The following FAM200B variants were observed in gnomAD, a reference collection of about 807,000 sequenced individuals.
FAM200B encodes zinc finger BED-type containing 11.
FAM200B carries 32 observed loss-of-function variants against 33.1 expected under a neutral mutation model. The ratio of observed to expected loss-of-function variants is 0.97; its 90% CI spans 0.73 to 1.30. The LOEUF is 1.30. Among genes scored for constraint, FAM200B ranks in the 50% most tolerant of loss-of-function variants. The pLI is 0.00. For missense variants in FAM200B, 741 were observed against 754.0 expected, an observed-to-expected ratio of 0.98 and a Z score of 0.20; for synonymous variants, 240 against 264.8, an observed-to-expected ratio of 0.91 and a Z score of 0.91.
chr4:15,673,875 C>A, the FAM200B span, among the ~76,000 whole-genome samples: 1 of 152,222 alleles, frequency 6.6e-6, no homozygotes, highest in South Asian at 2.1e-4. Flanking sequence ...TAGAAATTCT[C>A]CCAAGGCAAT....
the FAM200B span, among the ~76,000 whole-genome samples, chr4:15,675,062 C>A: frequency 6.6e-6 from 1 of 152,140 alleles, no homozygotes; most frequent in East Asian, 1.9e-4. Flanking sequence ...CCTGCCACTA[C>A]AAAACACTTT....
chr4:15,646,705 C>T, the FAM200B span, among the ~76,000 whole-genome samples: 2 of 133,960 alleles, frequency 1.5e-5, no homozygotes, highest in African/African-American at 5.4e-5. Flanking sequence ...CTCCCCCCAC[C>T]CCACAACAGG....
the FAM200B span, among the ~76,000 whole-genome samples, chr4:15,663,993 C>T: frequency 1.3e-5 from 2 of 152,090 alleles, no homozygotes; most frequent in African/African-American, 2.4e-5. Flanking sequence ...GCACTCTTAT[C>T]CTGATTTTTC....
chr4:15,643,293 C>G, the FAM200B span, among the ~76,000 whole-genome samples: 3 of 152,312 alleles, frequency 2.0e-5, no homozygotes, highest in East Asian at 5.8e-4. Flanking sequence ...AGCTGTAGAA[C>G]AGCCTTTCCA....
the FAM200B span, among the ~76,000 whole-genome samples, chr4:15,651,792 G>A: frequency 6.6e-6 from 1 of 152,012 alleles, no homozygotes; most frequent in Non-Finnish European, 1.5e-5. Flanking sequence ...ACACCTTAAG[G>A]CCTCCACCAC....
chr4:15,685,898 A>T (rs2148860567), intron 1 of FAM200B, among the ~76,000 whole-genome samples: 1 of 152,336 alleles, frequency 6.6e-6, no homozygotes, highest in South Asian at 2.1e-4. Flanking sequence ...CAAGGCAGGC[A>T]TGACCAAGAT....
chr4:15,647,983 G>A, the FAM200B span, among the ~76,000 whole-genome samples: 1 of 152,096 alleles, frequency 6.6e-6, no homozygotes, highest in African/African-American at 2.4e-5. Context: ...TCAGCCTTCC[G>A]AATAGCTGGA....
upstream of FAM200B, among the ~76,000 whole-genome samples, chr4:15,681,098 A>G (rs369837482): frequency 6.6e-6 from 1 of 152,018 alleles, no homozygotes; most frequent in East Asian, 1.9e-4. Flanking sequence ...ATATACATAC[A>G]TATTTAAATC....
upstream of FAM200B, among the ~76,000 whole-genome samples, chr4:15,680,701 G>A (rs1435566172): frequency 6.6e-6 from 1 of 151,628 alleles, no homozygotes; most frequent in African/African-American, 2.4e-5. Context: ...AAATCCAGTT[G>A]GAGAATCAAA....
chr4:15,663,167 A>G, the FAM200B span, among the ~76,000 whole-genome samples: 2 of 152,180 alleles, frequency 1.3e-5, no homozygotes, highest in Non-Finnish European at 2.9e-5. Context: ...TCCTTTATAT[A>G]TACCATAATA....
At chr4:15,638,466 C>T in the FAM200B span, 2 of 1,424,292 alleles carry the variant, frequency 1.4e-6, no homozygotes, top group African/African-American at 1.6e-5. Context: ...ATGTCAATGA[C>T]CTTACAACTA....
At chr4:15,651,658 T>C in the FAM200B span, among the ~76,000 whole-genome samples, 1 of 152,216 alleles carries the variant, frequency 6.6e-6, no homozygotes, top group East Asian at 1.9e-4. Flanking sequence ...CAAATTACTC[T>C]AAGCTTCTTC....
chr4:15,681,220 C>T (rs1035107283), upstream of FAM200B: 1 of 152,194 alleles, frequency 6.6e-6, no homozygotes, highest in South Asian at 2.1e-4. Flanking sequence ...TAAGTAAACA[C>T]GTGCAATGAT....
the FAM200B span, among the ~76,000 whole-genome samples, chr4:15,644,074 T>A: frequency 6.6e-6 from 1 of 152,248 alleles, no homozygotes; most frequent in Non-Finnish European, 1.5e-5. Flanking sequence ...ATTGGTTTAG[T>A]GAAAAATCTC....
chr4:15,655,422 C>T, the FAM200B span: 12 of 996,204 alleles, frequency 1.2e-5, no homozygotes, highest in Admixed American at 6.1e-5. Context: ...TCGGCTTGGC[C>T]GGCGGGGACG....
the FAM200B span, chr4:15,655,488 C>T: frequency 5.4e-5 from 35 of 652,210 alleles, no homozygotes; most frequent in South Asian, 2.2e-3. Flanking sequence ...ACCGGGCGCG[C>T]GCAGAGGCTC....
chr4:15,660,411 G>A, the FAM200B span, among the ~76,000 whole-genome samples: 288 of 152,104 alleles, frequency 1.9e-3, 1 homozygote, highest in African/African-American at 6.5e-3. Context: ...TCAAAACAGA[G>A]TACCAAAAAA....
At position 15,687,517 on chromosome 4, in the gene FAM200B, T is replaced by TAA; in HGVS notation, c.541_542insAA (p.Thr181LysfsTer12). 1 of 1,550,916 alleles carries TAA rather than the reference T, an allele frequency of 6.4e-7. No individual in the cohort carries two copies. The highest frequency in any genetic ancestry group is 8.7e-7 in the Non-Finnish European group (1 of 1,146,686). On this transcript the variant is annotated frameshift_variant, in exon 2 of 2. Transcript: ENST00000422728. LOFTEE classifies it high-confidence loss of function. The stretch of plus-strand genomic sequence containing the variant: ...TTCCAGCATGTTTGGATATGGTGCG[T>TAA]ACAATATTTGATGATAAATCAGCTG...
At chr4:15,655,922 G>A in the FAM200B span, among the ~76,000 whole-genome samples, 2 of 152,226 alleles carry the variant, frequency 1.3e-5, no homozygotes, top group African/African-American at 2.4e-5. Context: ...CAGAGCTGCG[G>A]GCTCTGAGAG....
Sources: allele counts gnomAD v4.1 joint callset (sites outside exome capture counted in the v4.1 genomes callset), GRCh38; gene constraint gnomAD v4.1.1; transcripts MANE v1.5; gene names NCBI Gene and HGNC (gene_info 2026-07-23, HGNC 2026-07-21).